Variants in DHRSX observed in about 807,000 individuals in gnomAD.
DHRSX encodes the protein polyprenol dehydrogenase.
In DHRSX, 31 loss-of-function variants were observed where a neutral mutation model predicts 34.0. The ratio of observed to expected loss-of-function variants is 0.91; its 90% CI spans 0.69 to 1.23. The LOEUF is 1.23. Ranked by LOEUF, DHRSX falls within the 50% of genes most tolerant of loss-of-function variation. The pLI is 0.00. For synonymous variants in DHRSX, 201 were observed against 183.8 expected (o/e 1.09, Z -0.76); for missense variants, 414 against 428.1 (o/e 0.97, Z 0.29).
intron 1 of DHRSX, among the ~76,000 whole-genome samples, chrX:2,449,908 C>T (rs965735924): frequency 5.3e-5 from 8 of 152,274 alleles, no homozygotes; most frequent in East Asian, 1.9e-4. Flanking sequence ...GCTGGGATTA[C>T]GGGCGTGAGC....
At chrX:2,290,432 T>C (rs1005283877) in intron 4 of DHRSX, among the ~76,000 whole-genome samples, 2 of 152,172 alleles carry the variant, frequency 1.3e-5, no homozygotes, top group African/African-American at 4.8e-5. Context: ...ATGAAAATGG[T>C]ACGTTAGGTA....
At chrX:2,439,832 T>C (rs1236470723) in intron 1 of DHRSX, among the ~76,000 whole-genome samples, 1 of 152,084 alleles carries the variant, frequency 6.6e-6, no homozygotes, top group African/African-American at 2.4e-5. Context: ...TAATATGAGC[T>C]ATGGGGAGCA....
chrX:2,355,996 GTGGA>G, intron 3 of DHRSX, among the ~76,000 whole-genome samples: 1 of 151,708 alleles, frequency 6.6e-6, no homozygotes, highest in South Asian at 2.1e-4. Flanking sequence ...AACCCAGGAG[GTGGA>G]GTTTGCAGTG....
At chrX:2,288,109 AAAGT>A (rs1249404844) in intron 4 of DHRSX, among the ~76,000 whole-genome samples, 1 of 126,888 alleles carries the variant, frequency 7.9e-6, no homozygotes, top group African/African-American at 2.9e-5. Flanking sequence ...CAGAAGAACA[AAAGT>A]AAGTGAAGGA....
chrX:2,385,108 A>ATGTGTGTGTGTGTGTGTGTG (rs1273797831), intron 3 of DHRSX, among the ~76,000 whole-genome samples: 3 of 122,612 alleles, frequency 2.4e-5, no homozygotes, highest in Admixed American at 7.7e-5. Flanking sequence ...TCTCAAATAT[A>ATGTGTGTGTGTGTGTGTGTG]TATGTGTGTG....
rs1476181088 is a variant in DHRSX, at chrX:2,361,213, C to T, written c.286+47532G>A. On this transcript the variant is annotated intron_variant, in intron 3 of 6. Transcript: ENST00000334651. ...GCAACCTCCACCTCCCGGGTTCAAG[C>T]GATTCTCCTGCCTCAGCCTCCTGAG... Among the ~76,000 whole-genome samples the T allele has an allele frequency of 7.2e-5, 11 of 152,154 alleles. No individual in the cohort carries two copies. The East Asian group carries it at 2.1e-3, about 29-fold the overall frequency.
intron 3 of DHRSX, among the ~76,000 whole-genome samples, chrX:2,292,476 C>G (rs1194175608): frequency 2.0e-5 from 3 of 152,192 alleles, no homozygotes; most frequent in Non-Finnish European, 2.9e-5. Flanking sequence ...ATGAGCCCTT[C>G]CACGCTGCTG....
At chrX:2,432,459 G>A (rs1165236689) in intron 1 of DHRSX, among the ~76,000 whole-genome samples, 2 of 152,130 alleles carry the variant, frequency 1.3e-5, no homozygotes, top group Non-Finnish European at 2.9e-5. Flanking sequence ...TGGCCCTGTA[G>A]GAGATTAAAA....
chrX:2,473,049 C>T lies in DHRSX; in HGVS notation c.109+27768G>A, dbSNP rs903536058. 4.7e-4 allele frequency among the ~76,000 whole-genome samples: 72 copies of T among 152,204 alleles called. No homozygotes were observed. The Middle Eastern group carries it at 0.01, about 22-fold the overall frequency. ...ACAACTTACTGTCCACTGCAAAGCT[C>T]CATGGCACCTAGCTCTAGCCAGTTT... is the stretch of plus-strand genomic sequence containing the variant. On this transcript the variant is annotated intron_variant, in intron 1 of 6. Transcript: ENST00000334651.
At chrX:2,270,304 C>T (rs1328384810) in intron 4 of DHRSX, among the ~76,000 whole-genome samples, 6 of 152,248 alleles carry the variant, frequency 3.9e-5, no homozygotes, top group Non-Finnish European at 5.9e-5. Context: ...GCAGGAGCCA[C>T]GTGGCCTTAT....
chrX:2,352,845 T>C (rs893087775), intron 3 of DHRSX, among the ~76,000 whole-genome samples: 14 of 152,200 alleles, frequency 9.2e-5, no homozygotes, highest in African/African-American at 3.1e-4. Flanking sequence ...AGCACGGGCA[T>C]TGAGAACAGC....
chrX:2,255,478 T>C (rs2041264034), intron 5 of DHRSX, among the ~76,000 whole-genome samples: 1 of 152,058 alleles, frequency 6.6e-6, no homozygotes, highest in Non-Finnish European at 1.5e-5. Context: ...AATAAAATAA[T>C]GAAGAAGTCA....
intron 3 of DHRSX, among the ~76,000 whole-genome samples, chrX:2,332,182 G>A (rs1443491515): frequency 6.6e-6 from 1 of 152,106 alleles, no homozygotes; most frequent in Non-Finnish European, 1.5e-5. Flanking sequence ...GCATTTGTCA[G>A]GAGAAGCAAA....
At chrX:2,324,288 A>G (rs1325621458) in intron 3 of DHRSX, among the ~76,000 whole-genome samples, 2 of 152,134 alleles carry the variant, frequency 1.3e-5, no homozygotes, top group Non-Finnish European at 2.9e-5. Context: ...ACGGCGCTGC[A>G]TGAAGCCTGT....
intron 1 of DHRSX, among the ~76,000 whole-genome samples, chrX:2,441,046 A>C (rs2044056438): frequency 6.6e-6 from 1 of 152,146 alleles, no homozygotes; most frequent in Admixed American, 6.5e-5. Flanking sequence ...TGGACACTCT[A>C]GTTTCCACAG....
At chrX:2,397,955 T>C (rs2873365) in intron 3 of DHRSX, among the ~76,000 whole-genome samples, 30,850 of 125,096 alleles carry the variant, frequency 0.25, 3,633 homozygotes, top group Middle Eastern at 0.37. Context: ...CACACACACA[T>C]AGATACATAT....
In DHRSX at chrX:2,221,009, T is replaced by C. The variant is rs1222379334; in HGVS notation, c.*32A>G. ...AAGCTATTGGCAGGTGCAATGTGTT[T>C]CTTGGGGCAGCAGCTATCCTGAGAC... On this transcript the variant is annotated 3_prime_UTR_variant, in exon 7 of 7. Transcript: ENST00000334651. 6 of 1,606,306 alleles carry C rather than the reference T, an allele frequency of 3.7e-6. No homozygotes were observed. The highest frequency in any genetic ancestry group is 1.7e-4 in the Middle Eastern group (1 of 6,008).
At chrX:2,379,275 T>C (rs1342826132) in intron 3 of DHRSX, among the ~76,000 whole-genome samples, 2 of 152,146 alleles carry the variant, frequency 1.3e-5, no homozygotes, top group African/African-American at 4.8e-5. Context: ...CACAAGACCA[T>C]ATATCACCAA....
intron 1 of DHRSX, among the ~76,000 whole-genome samples, chrX:2,459,786 G>A (rs1941405663): frequency 6.6e-6 from 1 of 151,900 alleles, no homozygotes; most frequent in Non-Finnish European, 1.5e-5. Flanking sequence ...AGTTGTCAAG[G>A]AAAGGATTCC....
Sources: gnomAD v4.1 joint callset for allele counts (sites outside exome capture counted in the v4.1 genomes callset) on GRCh38, gnomAD v4.1.1 for gene constraint, MANE v1.5 for transcripts, NCBI Gene and HGNC (gene_info 2026-07-23, HGNC 2026-07-21) for gene names.